ALKBH8: variants seen among roughly 807,000 people sequenced by gnomAD.
The protein encoded by ALKBH8 is tRNA (carboxymethyluridine(34)-5-O)-methyltransferase ALKBH8.
Under a neutral mutation model 59.8 loss-of-function variants are expected in ALKBH8, and 36 were observed. The ratio of observed to expected loss-of-function variants is 0.60; its 90% CI spans 0.46 to 0.79. The LOEUF is 0.79. ALKBH8 is among the 30% of genes least tolerant of loss of function. ALKBH8 has a pLI of 0.00. For missense variants in ALKBH8, 768 were observed against 801.0 expected, an observed-to-expected ratio of 0.96 and a Z score of 0.50; for synonymous variants, 276 against 273.6, an observed-to-expected ratio of 1.01 and a Z score of -0.09.
intron 2 of ALKBH8, among the ~76,000 whole-genome samples, chr11:107,558,520 G>A (rs148209490): frequency 8.9e-4 from 136 of 152,118 alleles, no homozygotes; most frequent in Non-Finnish European, 7.1e-4. Context: ...TGGTGTTGAG[G>A]GTCCACTACC....
intron 9 of ALKBH8, among the ~76,000 whole-genome samples, chr11:107,525,209 G>C (rs951739585): frequency 6.6e-6 from 1 of 152,098 alleles, no homozygotes; most frequent in Admixed American, 6.6e-5. Context: ...CCCAACTCAA[G>C]TACTAAGTTT....
intron 8 of ALKBH8, among the ~76,000 whole-genome samples, chr11:107,525,936 C>T (rs762946219): frequency 4.6e-5 from 7 of 151,632 alleles, no homozygotes; most frequent in East Asian, 1.9e-4. Context: ...ATATATTAAA[C>T]GTAAAAGTAT....
chr11:107,544,815 C>CCACACACA (rs5794557), intron 7 of ALKBH8, among the ~76,000 whole-genome samples: 424 of 138,552 alleles, frequency 3.1e-3, no homozygotes, highest in Admixed American at 6.3e-3. Flanking sequence ...TAGATACAAA[C>CCACACACA]CACACACACA....
At chr11:107,513,225 TAA>T (rs1862714209) in intron 10 of ALKBH8, among the ~76,000 whole-genome samples, 1 of 152,000 alleles carries the variant, frequency 6.6e-6, no homozygotes. Flanking sequence ...TCGGTCCCAT[TAA>T]AAAGAGGGCA....
At chr11:107,515,519 C>A (rs1167935248) in intron 10 of ALKBH8, among the ~76,000 whole-genome samples, 2 of 152,082 alleles carry the variant, frequency 1.3e-5, no homozygotes, top group African/African-American at 4.8e-5. Context: ...TCATGCCTGG[C>A]TAATTTTTAA....
chr11:107,525,958 A>G (rs1269642401), intron 8 of ALKBH8, among the ~76,000 whole-genome samples: 1 of 152,090 alleles, frequency 6.6e-6, no homozygotes. Context: ...AAAAACTCCA[A>G]TTAAAGAACA....
At chr11:107,547,227 G>T (rs1344625338) in intron 7 of ALKBH8, among the ~76,000 whole-genome samples, 1 of 152,198 alleles carries the variant, frequency 6.6e-6, no homozygotes, top group Non-Finnish European at 1.5e-5. Context: ...TAAAGAAATA[G>T]GGCCAAAGGT....
intron 7 of ALKBH8, among the ~76,000 whole-genome samples, chr11:107,533,260 A>G (rs1160480802): frequency 6.6e-6 from 1 of 152,164 alleles, no homozygotes; most frequent in Non-Finnish European, 1.5e-5. Context: ...GGAACAAATC[A>G]ATCCATTTGA....
intron 1 of ALKBH8, 91 bp from the exon 2 acceptor site, chr11:107,560,990 A>T: frequency 4.2e-6 from 5 of 1,194,962 alleles, no homozygotes; most frequent in Non-Finnish European, 4.5e-6. Flanking sequence ...ATAGTTTATC[A>T]ATATTTCTGT....
At chr11:107,559,188 C>T (rs139990807) in intron 2 of ALKBH8, among the ~76,000 whole-genome samples, 3 of 152,322 alleles carry the variant, frequency 2.0e-5, no homozygotes, top group Non-Finnish European at 4.4e-5. Context: ...GCCTCCCCGG[C>T]CACGTGGAAC....
At chr11:107,514,811 C>A (rs572772370) in intron 10 of ALKBH8, among the ~76,000 whole-genome samples, 3 of 152,106 alleles carry the variant, frequency 2.0e-5, no homozygotes, top group Admixed American at 2.0e-4. Context: ...AGAAAGAAAT[C>A]CAACCTGCCT....
chr11:107,523,602 C>CTTT (rs58698577), intron 9 of ALKBH8, among the ~76,000 whole-genome samples: 1 of 97,074 alleles, frequency 1.0e-5, no homozygotes, highest in Non-Finnish European at 2.2e-5. Flanking sequence ...AGAATAAATT[C>CTTT]TTTTTTTTTT....
intron 7 of ALKBH8, among the ~76,000 whole-genome samples, chr11:107,537,821 G>A (rs1863883792): frequency 6.6e-6 from 1 of 151,898 alleles, no homozygotes; most frequent in Non-Finnish European, 1.5e-5. Flanking sequence ...TAAAATTCAT[G>A]CCAATAAATC....
At chr11:107,556,096 G>A (rs559084417) in intron 3 of ALKBH8, among the ~76,000 whole-genome samples, 3 of 152,240 alleles carry the variant, frequency 2.0e-5, no homozygotes, top group Non-Finnish European at 2.9e-5. Context: ...TGGCCAACAC[G>A]GTGAAACCCC....
intron 6 of ALKBH8, among the ~76,000 whole-genome samples, chr11:107,551,263 G>C (rs573672732): frequency 6.6e-6 from 1 of 152,320 alleles, no homozygotes; most frequent in African/African-American, 2.4e-5. Context: ...ATCACAAACA[G>C]TGATTTGTAT....
At chr11:107,552,896 A>C (rs2135575544) in intron 5 of ALKBH8, among the ~76,000 whole-genome samples, 1 of 152,298 alleles carries the variant, frequency 6.6e-6, no homozygotes, top group Non-Finnish European at 1.5e-5. Context: ...GCAGCATGGG[A>C]ATAAGGATAA....
intron 10 of ALKBH8, among the ~76,000 whole-genome samples, chr11:107,521,550 C>A (rs562381970): frequency 2.6e-5 from 4 of 152,150 alleles, no homozygotes. Flanking sequence ...CCTAAATCCC[C>A]TAATCTAGAG....
chr11:107,527,184 T>G (rs576767074), intron 8 of ALKBH8, among the ~76,000 whole-genome samples: 1 of 152,054 alleles, frequency 6.6e-6, no homozygotes, highest in Non-Finnish European at 1.5e-5. Flanking sequence ...GGGATAGCAA[T>G]AATTTTTCTA....
rs1190653156 is a variant in ALKBH8 at position 107,553,286 on chromosome 11, G to T, written c.500-83C>A. The T allele has an allele frequency of 4.8e-6, 4 of 837,538 alleles. No homozygotes were observed. In the African/African-American group the frequency reaches 5.3e-5, roughly 11 times the overall value. The allele number at this position is 837,538 out of a possible 1,614,324, so 51.9% of individuals were successfully genotyped here. ...TATTTCAGTCAACTTTTTGAGTAAG[G>T]ATTAGTTTAGTAATGGCAACTTCTG... On this transcript the variant is annotated intron_variant, in intron 4 of 11. Coordinates refer to ENST00000428149, the MANE Select transcript of ALKBH8 (RefSeq NM_138775.3).
Sources: gnomAD v4.1 joint callset for allele counts (sites outside exome capture counted in the v4.1 genomes callset) on GRCh38, gnomAD v4.1.1 for gene constraint, MANE v1.5 for transcripts, NCBI Gene and HGNC (gene_info 2026-07-23, HGNC 2026-07-21) for gene names.